The following BLM variants were observed in gnomAD, a reference collection of about 807,000 sequenced individuals.
The protein encoded by BLM is recQ-like DNA helicase BLM.
Under a neutral mutation model 135.3 loss-of-function variants are expected in BLM, and 95 were observed. The ratio of observed to expected loss-of-function variants is 0.70; its 90% CI spans 0.59 to 0.83. BLM has a LOEUF of 0.83. BLM is among the 40% of genes least tolerant of loss of function. BLM has a pLI of 0.00. For missense variants in BLM, 1,518 were observed against 1,663.9 expected (o/e 0.91, Z 1.53); for synonymous variants, 520 against 589.2 (o/e 0.88, Z 1.70).
chr15:90,769,996 G>T (rs1896260728), intron 12 of BLM, among the ~76,000 whole-genome samples: 1 of 152,058 alleles, frequency 6.6e-6, no homozygotes, highest in African/African-American at 2.4e-5. Flanking sequence ...AATGAAAGAT[G>T]ACCCTGCTTT....
chr15:90,802,143 A>T, intron 17 of BLM, among the ~76,000 whole-genome samples: 1 of 152,228 alleles, frequency 6.6e-6, no homozygotes, highest in East Asian at 1.9e-4. Context: ...TCATTAGCAG[A>T]ACGGTAGTTC....
rs1184280593 is a variant in BLM at position 90,725,188 on chromosome 15, C to T, written c.-5+7748C>T. Among the ~76,000 whole-genome samples, 3 of 152,124 alleles carry T rather than the reference C, an allele frequency of 2.0e-5. No individual in the cohort carries two copies. In the East Asian group the frequency reaches 5.8e-4, roughly 29 times the overall value. On this transcript the variant is annotated intron_variant, in intron 1 of 21. Transcript: ENST00000355112. The stretch of plus-strand genomic sequence containing the variant: ...CCTCCCAAAGTGCTGGGATTACAGG[C>T]ATAAGCCACCACGCCCGGCCCCCAG...
chr15:90,733,102 A>T (rs190859468), intron 1 of BLM, among the ~76,000 whole-genome samples: 76 of 149,426 alleles, frequency 5.1e-4, no homozygotes, highest in African/African-American at 1.3e-3. Flanking sequence ...CAAAAAAATT[A>T]AAAAAAAAAG....
intron 1 of BLM, among the ~76,000 whole-genome samples, chr15:90,717,936 A>G (rs1894651612): frequency 6.6e-6 from 1 of 152,204 alleles, no homozygotes. Context: ...GCTTTACGAT[A>G]TCCCAGCAAA....
chr15:90,765,256 G>T, intron 8 of BLM, 40 bp from the exon 9 acceptor site: 1 of 1,452,128 alleles, frequency 6.9e-7, no homozygotes, highest in South Asian at 1.1e-5. Context: ...ATGCTCTGAA[G>T]ACAGAACCTG....
intron 19 of BLM, 176 bp from the exon 20 acceptor site, chr15:90,808,961 G>A: frequency 1.3e-6 from 1 of 791,502 alleles, no homozygotes; most frequent in South Asian, 1.6e-5. Flanking sequence ...TGCCCTCTGT[G>A]CCTGTCTGCT....
chr15:90,766,890 T>C lies in BLM; in HGVS notation c.2194-20T>C, dbSNP rs754006696. 9.6e-6 allele frequency: 14 copies of C among 1,461,368 alleles called. No homozygotes were observed. Among genetic ancestry groups the C allele is most frequent in the African/African-American group, 4.2e-5 (3 of 71,564 alleles). 90.5% of individuals were successfully genotyped at this position (1,461,368 alleles called of 1,614,324 possible). A position where few individuals can be genotyped will look rare whatever the true frequency, so the allele number is the denominator to read the frequency against. Reference sequence around the variant, plus strand: ...AGGTTAATGTATAAAATTGAAATTGTTTACTACTTTTATACTTAGATTCCA... The same window carrying C: ...AGGTTAATGTATAAAATTGAAATTGCTTACTACTTTTATACTTAGATTCCA... On this transcript the variant is annotated intron_variant, in intron 9 of 21. Transcript: ENST00000355112.
Position 90,761,821 on chromosome 15 carries a change from A to C in BLM, c.1882+566A>C, listed in dbSNP as rs562393488. Among the ~76,000 whole-genome samples the C allele has an allele frequency of 4.6e-5, 7 of 152,288 alleles. No individual in the cohort carries two copies. The South Asian group carries it at 6.2e-4, about 14-fold the overall frequency. On this transcript the variant is annotated intron_variant, in intron 7 of 21. Transcript: ENST00000355112. ...CCGATCATTTAAAGATGAATAACAA[A>C]TACTAAGTAGTTCCTGCCCTCCTGG...
chr15:90,785,261 A>T (rs1896717775), intron 14 of BLM, among the ~76,000 whole-genome samples, 180 bp downstream of exon 14: 1 of 152,244 alleles, frequency 6.6e-6, no homozygotes, highest in Non-Finnish European at 1.5e-5. Flanking sequence ...TCATAAAAAA[A>T]ATCTGCTTGA....
chr15:90,739,037 C>G (rs1465398897), intron 1 of BLM, among the ~76,000 whole-genome samples: 1 of 152,170 alleles, frequency 6.6e-6, no homozygotes, highest in African/African-American at 2.4e-5. Context: ...GGAAGCAACC[C>G]TAACGTCCTT....
intron 4 of BLM, among the ~76,000 whole-genome samples, 163 bp downstream of exon 4, chr15:90,752,109 T>A (rs552492788): frequency 6.6e-6 from 1 of 152,274 alleles, no homozygotes; most frequent in African/African-American, 2.4e-5. Flanking sequence ...ATACATTTAA[T>A]TGGTTGCATT....
intron 1 of BLM, among the ~76,000 whole-genome samples, chr15:90,729,545 T>C (rs1895010646): frequency 6.6e-6 from 1 of 152,216 alleles, no homozygotes; most frequent in South Asian, 2.1e-4. Flanking sequence ...GCCAGCAACT[T>C]TGAGTCCTCC....
chr15:90,717,611 A>T (rs1894640789), intron 1 of BLM, among the ~76,000 whole-genome samples, 171 bp downstream of exon 1: 1 of 152,160 alleles, frequency 6.6e-6, no homozygotes, highest in South Asian at 2.1e-4. Flanking sequence ...CAGATACATA[A>T]ATACGTTCCC....
intron 20 of BLM, among the ~76,000 whole-genome samples, chr15:90,810,073 C>CTTT (rs35012069): frequency 6.9e-6 from 1 of 143,958 alleles, no homozygotes; most frequent in Non-Finnish European, 1.5e-5. Flanking sequence ...TACCTAGTCG[C>CTTT]TTTTTTTTTT....
At chr15:90,792,995 A>T (rs1376393031) in intron 15 of BLM, among the ~76,000 whole-genome samples, 3 of 150,820 alleles carry the variant, frequency 2.0e-5, no homozygotes, top group Non-Finnish European at 3.0e-5. Context: ...TAATCCCAGC[A>T]CTTTGGGAGG....
At position 90,779,258 on chromosome 15, in the gene BLM, T is replaced by C. The variant is rs556439050; in HGVS notation, c.2556-3564T>C. Reference sequence around the variant, plus strand: ...TGCCATTTTACATTTTCACTAGCGATGTATGAGGGTTCTAATTTTTTCATA... The same window carrying C: ...TGCCATTTTACATTTTCACTAGCGACGTATGAGGGTTCTAATTTTTTCATA... On this transcript the variant is annotated intron_variant, in intron 12 of 21. Coordinates refer to ENST00000355112, the MANE Select transcript of BLM (RefSeq NM_000057.4). 1.5e-4 allele frequency among the ~76,000 whole-genome samples: 23 copies of C among 152,334 alleles called. 1 individual carries two copies. Among genetic ancestry groups the C allele is most frequent in the East Asian group, 1.2e-3 (6 of 5,192 alleles).
chr15:90,747,222 A>G (rs1895524407), intron 1 of BLM, among the ~76,000 whole-genome samples, 167 bp from the exon 2 acceptor site: 2 of 148,608 alleles, frequency 1.3e-5, no homozygotes, highest in East Asian at 1.9e-4. Flanking sequence ...GTAAATGTCA[A>G]AACAGTCTAT....
chr15:90,789,987 G>GTTTTTTTTTTTTT lies in BLM; in HGVS notation c.2824-638_2824-626dup, dbSNP rs61059865. Among the ~76,000 whole-genome samples the GTTTTTTTTTTTTT allele has an allele frequency of 7.0e-5, 4 of 57,372 alleles. 1 individual carries two copies. Among genetic ancestry groups the GTTTTTTTTTTTTT allele is most frequent in the African/African-American group, 2.1e-4 (4 of 18,942 alleles). 37.6% of individuals were successfully genotyped at this position (57,372 alleles called of 152,430 possible). On this transcript the variant is annotated intron_variant, in intron 14 of 21. Transcript: ENST00000355112. ...AGGTCTAAGATCCGCAGTCCCTGGT[G>GTTTTTTTTTTTTT]TTTTTTTTTTTTTTTTTTTTTTTTT...
chr15:90,749,263 C>A, intron 2 of BLM, 104 bp from the exon 3 acceptor site: 1 of 791,476 alleles, frequency 1.3e-6, no homozygotes, highest in Non-Finnish European at 2.0e-6. Context: ...AGTTGGGATA[C>A]AATTAATGTA....
Sources: gnomAD v4.1 joint callset for allele counts (sites outside exome capture counted in the v4.1 genomes callset) on GRCh38, gnomAD v4.1.1 for gene constraint, MANE v1.5 for transcripts, NCBI Gene and HGNC (gene_info 2026-07-23, HGNC 2026-07-21) for gene names.